The following WASF2 variants were observed in gnomAD, a reference collection of about 807,000 sequenced individuals.
WASF2 encodes actin-binding protein WASF2.
Under a neutral mutation model 45.0 loss-of-function variants are expected in WASF2, and 14 were observed. That is an observed-to-expected ratio of 0.31 (90% CI 0.21 to 0.49). The LOEUF is 0.49. WASF2 is among the 20% of genes least tolerant of loss of function. The pLI is 0.99. For missense variants in WASF2, 439 were observed against 636.1 expected (o/e 0.69, Z 3.33); for synonymous variants, 200 against 236.3 (o/e 0.85, Z 1.41).
intron 1 of WASF2, among the ~76,000 whole-genome samples, chr1:27,440,682 C>A (rs1054968585): frequency 4.6e-5 from 7 of 152,116 alleles, no homozygotes; most frequent in African/African-American, 9.7e-5. Context: ...GCCATGAACT[C>A]CTGAGCTCAA....
chr1:27,489,248 GCGCGCACA>G (rs1011615838), intron 1 of WASF2, among the ~76,000 whole-genome samples: 1 of 104,350 alleles, frequency 9.6e-6, no homozygotes, highest in African/African-American at 5.6e-5. Flanking sequence ...TATCCTGTAC[GCGCGCACA>G]CACACACACA....
intron 2 of WASF2, among the ~76,000 whole-genome samples, chr1:27,424,528 C>A: frequency 1.4e-5 from 1 of 70,722 alleles, no homozygotes; most frequent in South Asian, 4.2e-4. Context: ...CTACCTTCAA[C>A]AATTTTTTTT....
intron 1 of WASF2, among the ~76,000 whole-genome samples, chr1:27,441,150 G>A (rs1393605475): frequency 1.3e-5 from 2 of 152,062 alleles, no homozygotes; most frequent in East Asian, 1.9e-4. Context: ...TTACAGGAGT[G>A]AGCCAACATG....
chr1:27,439,257 T>C (rs764031550), intron 1 of WASF2, among the ~76,000 whole-genome samples: 1 of 152,220 alleles, frequency 6.6e-6, no homozygotes. Context: ...AATGCATGTA[T>C]AAAACGTTTA....
Position 27,405,599 on chromosome 1 carries a change from C to CTTTTTTTTTTTTTTTTTTTTTTTTTTT in WASF2, c.*2563_*2589dup. 1.8e-5 allele frequency: 1 copy of CTTTTTTTTTTTTTTTTTTTTTTTTTTT among 56,646 alleles called. No homozygotes were observed. The highest frequency in any genetic ancestry group is 5.8e-4 in the East Asian group (1 of 1,722). The allele number at this position is 56,646 out of a possible 1,614,324, so 3.5% of individuals were successfully genotyped here. A position where few individuals can be genotyped will look rare whatever the true frequency, so the allele number is the denominator to read the frequency against. ...TAAAGGGCTCTGGGTCTAAAGAAGC[C>CTTTTTTTTTTTTTTTTTTTTTTTTTTT]TTTTTTTTTTTTTTTTTTTTTTTTT... On this transcript the variant is annotated 3_prime_UTR_variant, in exon 9 of 9. Coordinates refer to ENST00000618852, the MANE Select transcript of WASF2 (RefSeq NM_006990.5).
At chr1:27,469,768 C>A (rs1333931251) in intron 1 of WASF2, among the ~76,000 whole-genome samples, 1 of 152,070 alleles carries the variant, frequency 6.6e-6, no homozygotes, top group African/African-American at 2.4e-5. Flanking sequence ...ATGGTGAAAC[C>A]CCATCTCTAC....
At chr1:27,433,175 G>A (rs145965640) in intron 1 of WASF2, among the ~76,000 whole-genome samples, 153 of 152,262 alleles carry the variant, frequency 1.0e-3, no homozygotes, top group African/African-American at 3.5e-3. Context: ...AAGGAATTTG[G>A]CAGGTTTTTC....
rs2016674105 is a variant in WASF2 at position 27,406,311 on chromosome 1, G to A, written c.*1878C>T. On this transcript the variant is annotated 3_prime_UTR_variant, in exon 9 of 9. Coordinates refer to ENST00000618852, the MANE Select transcript of WASF2 (RefSeq NM_006990.5). ...GTGCCAGAGACACCTGATGTGTAAA[G>A]AGGGAAGAGGGCACACTTGGGAGTG... The A allele has an allele frequency of 6.6e-6, 1 of 152,498 alleles. No individual in the cohort carries two copies. Among genetic ancestry groups the A allele is most frequent in the East Asian group, 1.9e-4 (1 of 5,198 alleles). The allele number at this position is 152,498 out of a possible 1,614,324, so 9.4% of individuals were successfully genotyped here.
At chr1:27,457,871 C>A (rs901723829) in intron 1 of WASF2, among the ~76,000 whole-genome samples, 1 of 152,068 alleles carries the variant, frequency 6.6e-6, no homozygotes. Flanking sequence ...AATCCTCCCA[C>A]CTTTACCTCC....
chr1:27,465,902 G>A (rs929589721), intron 1 of WASF2, among the ~76,000 whole-genome samples: 1 of 152,174 alleles, frequency 6.6e-6, no homozygotes, highest in Non-Finnish European at 1.5e-5. Flanking sequence ...CACTATCAAA[G>A]ACTGCTGAAA....
rs1193013972 is a variant in WASF2 at position 27,490,146 on chromosome 1, T to G, written c.-204A>C. The stretch of plus-strand genomic sequence containing the variant: ...CGCTCGCCCTGCCTGTGTCCGCCAT[T>G]ACGCGATTCCCCGCCCTGGGCGGCA... On this transcript the variant is annotated 5_prime_UTR_variant, in exon 1 of 9. Transcript: ENST00000618852. 1 of 152,384 alleles carries G rather than the reference T, an allele frequency of 6.6e-6. No homozygotes were observed. Among genetic ancestry groups the G allele is most frequent in the African/African-American group, 2.4e-5 (1 of 41,474 alleles). 9.4% of individuals were successfully genotyped at this position (152,384 alleles called of 1,614,324 possible). A position where few individuals can be genotyped will look rare whatever the true frequency, so the allele number is the denominator to read the frequency against.
rs566498124 is a variant in WASF2 at position 27,479,606 on chromosome 1, T to G, written c.-44+10380A>C. ...ATGGCCTGGCACGGTGGCTCACGCC[T>G]GTAATCCCAGCACTTTGGGAGGCCA... On this transcript the variant is annotated intron_variant, in intron 1 of 8. Coordinates refer to ENST00000618852, the MANE Select transcript of WASF2 (RefSeq NM_006990.5). Among the ~76,000 whole-genome samples, 36 of 152,358 alleles carry G rather than the reference T, an allele frequency of 2.4e-4. No homozygotes were observed. The South Asian group carries it at 6.6e-3, about 28-fold the overall frequency.
intron 1 of WASF2, among the ~76,000 whole-genome samples, chr1:27,487,651 T>TATTTTATATAA (rs2017960264): frequency 3.1e-5 from 3 of 96,766 alleles, no homozygotes; most frequent in African/African-American, 1.3e-4. Context: ...ATATTATATA[T>TATTTTATATAA]TATATAATAT....
intron 1 of WASF2, among the ~76,000 whole-genome samples, chr1:27,484,241 C>T (rs2017893144): frequency 1.3e-5 from 2 of 152,114 alleles, no homozygotes. Flanking sequence ...GTCCACCTCA[C>T]TCTACAGTAG....
Position 27,418,951 on chromosome 1 carries a change from T to C in WASF2, c.265+3A>G, listed in dbSNP as rs753363312. 5.0e-6 allele frequency: 8 copies of C among 1,613,582 alleles called. No homozygotes were observed. Among genetic ancestry groups the C allele is most frequent in the Non-Finnish European group, 5.1e-6 (6 of 1,179,606 alleles). ...CTGCAAATGCTGAGCTCAGCTTTCT[T>C]ACCTTCTTCTTCCTTGGGATCCAGC... On this transcript the variant is annotated splice_donor_region_variant and intron_variant, in intron 3 of 8. Coordinates refer to ENST00000618852, the MANE Select transcript of WASF2 (RefSeq NM_006990.5).
chr1:27,466,426 A>T (rs576370025), intron 1 of WASF2, among the ~76,000 whole-genome samples: 14 of 152,330 alleles, frequency 9.2e-5, no homozygotes, highest in African/African-American at 2.9e-4. Flanking sequence ...TATTGCCAAA[A>T]AAGCAACCGG....
chr1:27,450,554 G>A (rs1427924611), intron 1 of WASF2, among the ~76,000 whole-genome samples: 1 of 152,044 alleles, frequency 6.6e-6, no homozygotes, highest in Non-Finnish European at 1.5e-5. Flanking sequence ...AGGCTGGAGT[G>A]CAATGGCACA....
At chr1:27,428,025 A>G (rs971888884) in intron 2 of WASF2, among the ~76,000 whole-genome samples, 4 of 152,174 alleles carry the variant, frequency 2.6e-5, no homozygotes, top group African/African-American at 9.7e-5. Flanking sequence ...ATTCTTGCCA[A>G]TTAAAAAAAT....
intron 1 of WASF2, among the ~76,000 whole-genome samples, chr1:27,436,936 T>C (rs1205957063): frequency 6.6e-6 from 1 of 152,246 alleles, no homozygotes; most frequent in Non-Finnish European, 1.5e-5. Flanking sequence ...ACCAATTTTG[T>C]GCCTACATCC....
Sources: allele counts gnomAD v4.1 joint callset (sites outside exome capture counted in the v4.1 genomes callset), GRCh38; gene constraint gnomAD v4.1.1; transcripts MANE v1.5; gene names NCBI Gene and HGNC (gene_info 2026-07-23, HGNC 2026-07-21).